UTRN: variants seen among roughly 807,000 people sequenced by gnomAD.
UTRN encodes the protein dystrophin-related protein 1.
In UTRN, 283 loss-of-function variants were observed where a neutral mutation model predicts 463.9. That is an observed-to-expected ratio of 0.61 (90% CI 0.55 to 0.67). The LOEUF (loss-of-function observed/expected upper bound fraction) is 0.67, where lower values mean the gene tolerates loss of function less well. Ranked by LOEUF, UTRN falls within the 30% of genes least tolerant of loss-of-function variation. UTRN has a pLI of 0.00. For missense variants in UTRN, 3,922 were observed against 4,084.3 expected, an observed-to-expected ratio of 0.96 and a Z score of 1.08; for synonymous variants, 1,442 against 1,431.5, an observed-to-expected ratio of 1.01 and a Z score of -0.17.
At chr6:144,660,676 G>T (rs1449852942) in intron 51 of UTRN, among the ~76,000 whole-genome samples, 1 of 152,186 alleles carries the variant, frequency 6.6e-6, no homozygotes, top group East Asian at 1.9e-4. Context: ...TACCCCTCAG[G>T]TTTATCTGTC....
In UTRN at chr6:144,698,543, C is replaced by T. The variant is rs115039681; in HGVS notation, c.7653-1544C>T. Among the ~76,000 whole-genome samples, 442 of 152,294 alleles carry T rather than the reference C, an allele frequency of 2.9e-3. 1 individual carries two copies. The highest frequency in any genetic ancestry group is 0.01 in the African/African-American group (420 of 41,566). Reference sequence around the variant, plus strand: ...TGGGCAGTCACAGTAATTCCATTTCCCCAAGTTAAGGCATAAGCCCGCATT... The same window carrying T: ...TGGGCAGTCACAGTAATTCCATTTCTCCAAGTTAAGGCATAAGCCCGCATT... On this transcript the variant is annotated intron_variant, in intron 52 of 74. Transcript: ENST00000367545.
chr6:144,468,369 C>G (rs919090658), intron 23 of UTRN, among the ~76,000 whole-genome samples: 3 of 152,062 alleles, frequency 2.0e-5, no homozygotes, highest in African/African-American at 7.2e-5. Context: ...TTTGACCCTT[C>G]CATACTAGAA....
intron 51 of UTRN, among the ~76,000 whole-genome samples, chr6:144,645,028 G>C (rs1032278736): frequency 4.6e-5 from 7 of 152,140 alleles, no homozygotes; most frequent in Non-Finnish European, 1.0e-4. Flanking sequence ...TCTTTCAAAA[G>C]CTTCCCCTTG....
At chr6:144,514,529 G>A (rs1269998087) in intron 36 of UTRN, 121 bp from the exon 37 acceptor site, 5 of 1,059,612 alleles carry the variant, frequency 4.7e-6, no homozygotes, top group Non-Finnish European at 6.8e-6. Context: ...TGATTATGCT[G>A]AAATCTCTTA....
intron 54 of UTRN, among the ~76,000 whole-genome samples, chr6:144,739,570 G>A (rs748290112): frequency 7.9e-5 from 12 of 152,060 alleles, no homozygotes; most frequent in Non-Finnish European, 1.3e-4. Flanking sequence ...TAAATGACAG[G>A]CACACAGCTT....
At chr6:144,554,010 TAGAA>T (rs1799163431) in intron 48 of UTRN, among the ~76,000 whole-genome samples, 1 of 148,092 alleles carries the variant, frequency 6.8e-6, no homozygotes, top group African/African-American at 2.5e-5. Flanking sequence ...TGAGGAGAAA[TAGAA>T]AGAGAGAGAA....
At chr6:144,495,704 T>C (rs560527258) in intron 33 of UTRN, among the ~76,000 whole-genome samples, 18 of 152,356 alleles carry the variant, frequency 1.2e-4, no homozygotes, top group African/African-American at 4.1e-4. Context: ...CTGTCACCTC[T>C]CATTAGTACT....
intron 23 of UTRN, among the ~76,000 whole-genome samples, chr6:144,471,471 A>C (rs1440639592): frequency 1.3e-5 from 2 of 152,258 alleles, no homozygotes; most frequent in African/African-American, 4.8e-5. Context: ...GGAGATTAGC[A>C]GTGCAAGAAT....
chr6:144,811,439 C>T (rs4143181), intron 65 of UTRN, among the ~76,000 whole-genome samples: 21,284 of 152,048 alleles, frequency 0.14, 2,039 homozygotes, highest in Admixed American at 0.33. Flanking sequence ...GTTTCAGCTC[C>T]TGCTCTCCTT....
intron 3 of UTRN, among the ~76,000 whole-genome samples, chr6:144,420,313 G>A (rs919998792): frequency 2.0e-5 from 3 of 152,058 alleles, no homozygotes; most frequent in African/African-American, 7.2e-5. Flanking sequence ...AGTTCTCAGG[G>A]CATTTTCTTA....
At chr6:144,799,739 A>C (rs528857886) in intron 64 of UTRN, among the ~76,000 whole-genome samples, 1 of 152,288 alleles carries the variant, frequency 6.6e-6, no homozygotes, top group South Asian at 2.1e-4. Flanking sequence ...TGGGAGTATT[A>C]CCTCTACTTT....
chr6:144,616,384 A>G (rs948840994), intron 51 of UTRN, among the ~76,000 whole-genome samples: 5 of 152,196 alleles, frequency 3.3e-5, no homozygotes, highest in Non-Finnish European at 4.4e-5. Flanking sequence ...GATGAGAGAA[A>G]TAACTGTTAG....
At chr6:144,287,814 AG>A (rs2114500435) in intron 1 of UTRN, among the ~76,000 whole-genome samples, 1 of 152,364 alleles carries the variant, frequency 6.6e-6, no homozygotes, top group East Asian at 1.9e-4. Context: ...TGGCTTTTAC[AG>A]AATATCATTT....
intron 23 of UTRN, among the ~76,000 whole-genome samples, chr6:144,470,042 C>A (rs904022424): frequency 6.6e-6 from 1 of 152,192 alleles, no homozygotes; most frequent in Non-Finnish European, 1.5e-5. Flanking sequence ...CCAACAGCAT[C>A]CCAAGGCAGA....
chr6:144,642,382 T>A (rs889223644), intron 51 of UTRN, among the ~76,000 whole-genome samples: 4 of 152,332 alleles, frequency 2.6e-5, no homozygotes, highest in African/African-American at 4.8e-5. Context: ...CCTTAATATC[T>A]TCTTTTTTTG....
chr6:144,605,677 A>ATT (rs11370145), intron 51 of UTRN, among the ~76,000 whole-genome samples: 3,232 of 139,702 alleles, frequency 0.023, 112 homozygotes, highest in African/African-American at 0.076. Context: ...TGTGGGTGCC[A>ATT]TTTTTTTTTT....
At chr6:144,385,434 G>T (rs1368068572) in intron 2 of UTRN, among the ~76,000 whole-genome samples, 1 of 152,140 alleles carries the variant, frequency 6.6e-6, no homozygotes, top group East Asian at 1.9e-4. Context: ...GTGGAAAGAA[G>T]ACATACTTAC....
At chr6:144,668,548 C>G (rs900046649) in intron 51 of UTRN, among the ~76,000 whole-genome samples, 2 of 152,154 alleles carry the variant, frequency 1.3e-5, no homozygotes, top group African/African-American at 2.4e-5. Flanking sequence ...ATGTATTTCT[C>G]TCAGATCTGG....
chr6:144,800,999 T>C (rs1301700396), intron 64 of UTRN, among the ~76,000 whole-genome samples: 2 of 152,188 alleles, frequency 1.3e-5, no homozygotes, highest in African/African-American at 4.8e-5. Flanking sequence ...GAGAGGATTC[T>C]ATCCGTGTCG....
Sources: allele counts gnomAD v4.1 joint callset (sites outside exome capture counted in the v4.1 genomes callset), GRCh38; gene constraint gnomAD v4.1.1; transcripts MANE v1.5; gene names NCBI Gene and HGNC (gene_info 2026-07-23, HGNC 2026-07-21).